The following PARP4 variants were observed in gnomAD, a reference collection of about 807,000 sequenced individuals.
PARP4 encodes the protein poly(ADP-ribose) polymerase family member 4, also known as protein mono-ADP-ribosyltransferase PARP4.
PARP4 carries 120 observed loss-of-function variants against 187.7 expected under a neutral mutation model. The observed-to-expected ratio is 0.64, with a 90% CI of 0.55 to 0.74. The LOEUF is 0.74. Ranked by LOEUF, PARP4 falls within the 30% of genes least tolerant of loss-of-function variation. The pLI is 0.00. For synonymous variants in PARP4, 654 were observed against 740.9 expected, an observed-to-expected ratio of 0.88 and a Z score of 1.90; for missense variants, 1,836 against 2,070.5, an observed-to-expected ratio of 0.89 and a Z score of 2.20.
chr13:24,469,005 C>A lies in PARP4; in HGVS notation c.2133+19G>T. ...CTTTCCCTCTCCTGTATGCATGCGG[C>A]ATGCACACCAAGCCATACCGGAGCA... is the stretch of plus-strand genomic sequence containing the variant. On this transcript the variant is annotated intron_variant, in intron 17 of 33. Coordinates refer to ENST00000381989, the MANE Select transcript of PARP4 (RefSeq NM_006437.4). 6.4e-7 allele frequency: 1 copy of A among 1,551,952 alleles called. No individual in the cohort carries two copies. Among genetic ancestry groups the A allele is most frequent in the Non-Finnish European group, 8.9e-7 (1 of 1,123,694 alleles).
chr13:24,485,402 G>T (rs1873499793), intron 11 of PARP4, among the ~76,000 whole-genome samples: 1 of 152,104 alleles, frequency 6.6e-6, no homozygotes, highest in African/African-American at 2.4e-5. Context: ...TATCATGATT[G>T]CACTAAATCT....
chr13:24,480,377 G>T (rs1873213831), intron 12 of PARP4, among the ~76,000 whole-genome samples: 1 of 152,064 alleles, frequency 6.6e-6, no homozygotes, highest in African/African-American at 2.4e-5. Context: ...CCCTACAGCG[G>T]CCTCTAAGTG....
chr13:24,450,488 C>A (rs1332091655), intron 24 of PARP4, among the ~76,000 whole-genome samples: 1 of 151,692 alleles, frequency 6.6e-6, no homozygotes, highest in Non-Finnish European at 1.5e-5. Context: ...TTGTCTTTAC[C>A]CTCCATATTA....
chr13:24,434,506 T>C lies in PARP4; in HGVS notation c.4635A>G (p.Lys1545=). 1 of 1,613,958 alleles carries C rather than the reference T, an allele frequency of 6.2e-7. No individual in the cohort carries two copies. Among genetic ancestry groups the C allele is most frequent in the Non-Finnish European group, 8.5e-7 (1 of 1,179,800 alleles). The change falls in exon 31 of 34, where the codon AAA becomes AAG. Residue 1545 remains lysine, a synonymous_variant. Coordinates refer to ENST00000381989, the MANE Select transcript of PARP4 (RefSeq NM_006437.4). The part of the protein sequence containing the change: ...SCFLQIKCDT[K]DDSILCFLEV... The stretch of plus-strand genomic sequence containing the variant: ...CCAGAAAGCACAGGATACTGTCATC[T>C]TTTGTATCACATTTTATTTGTAAAA...
At position 24,479,816 on chromosome 13, in the gene PARP4, C is replaced by T. The variant is rs184952300; in HGVS notation, c.1449-1540G>A. On this transcript the variant is annotated intron_variant, in intron 12 of 33. Coordinates refer to ENST00000381989, the MANE Select transcript of PARP4 (RefSeq NM_006437.4). ...CCGCACTGTGGAAGCTTTGTTCTTT[C>T]GCTCTTTGCAATAAATCTTGCTACT... 2.7e-3 allele frequency among the ~76,000 whole-genome samples: 410 copies of T among 152,328 alleles called. 1 individual carries two copies. The highest frequency in any genetic ancestry group is 3.4e-3 in the Non-Finnish European group (232 of 68,028).
At chr13:24,457,683 A>G (rs962655733) in intron 20 of PARP4, among the ~76,000 whole-genome samples, 13 of 149,966 alleles carry the variant, frequency 8.7e-5, no homozygotes, top group African/African-American at 3.2e-4. Context: ...AGGCATGAGA[A>G]TCGTTTGAAC....
rs1282328740 is a variant in PARP4 at position 24,434,621 on chromosome 13, C to A, written c.4520G>T (p.Ser1507Ile). ...DLCLLEESVG[S>I]LEGSRCPVFA... The stretch of plus-strand genomic sequence containing the variant: ...GACAGGACATCGACTTCCTTCGAGA[C>A]TGCCTACTGATTCTTCTAGAAGACA... The change falls in exon 31 of 34, where the codon AGT (serine) becomes ATT (isoleucine). Residue 1507 changes from serine to isoleucine, a missense_variant. By Grantham distance (142) the Ser-to-Ile change is moderately radical (BLOSUM62 -2). Coordinates refer to ENST00000381989, the MANE Select transcript of PARP4 (RefSeq NM_006437.4). 5 of 1,612,018 alleles carry A rather than the reference C, an allele frequency of 3.1e-6. No individual in the cohort carries two copies. Among genetic ancestry groups the A allele is most frequent in the African/African-American group, 1.3e-5 (1 of 74,898 alleles).
chr13:24,437,465 C>G (rs1364777212), intron 30 of PARP4, among the ~76,000 whole-genome samples: 3 of 151,944 alleles, frequency 2.0e-5, no homozygotes, highest in Admixed American at 2.0e-4. Flanking sequence ...ATTTTCACAA[C>G]TCATATCACA....
chr13:24,449,313 G>C (rs1374836933), intron 25 of PARP4, among the ~76,000 whole-genome samples: 1 of 148,946 alleles, frequency 6.7e-6, no homozygotes, highest in African/African-American at 2.5e-5. Context: ...GCGTGAACCC[G>C]GGAGGCAGAG....
At chr13:24,441,046 A>AT in intron 30 of PARP4, among the ~76,000 whole-genome samples, 1 of 151,932 alleles carries the variant, frequency 6.6e-6, no homozygotes, top group East Asian at 1.9e-4. Context: ...TAATTTTTGT[A>AT]TTTTTTTGTA....
At chr13:24,496,070 A>G (rs1453484092) in intron 6 of PARP4, among the ~76,000 whole-genome samples, 3 of 151,584 alleles carry the variant, frequency 2.0e-5, no homozygotes, top group Non-Finnish European at 4.4e-5. Flanking sequence ...TGAAGAAAAC[A>G]ACGACACATT....
At chr13:24,492,618 A>C in intron 8 of PARP4, 24 bp from the exon 9 acceptor site, 2 of 1,579,000 alleles carry the variant, frequency 1.3e-6, no homozygotes, top group Non-Finnish European at 1.7e-6. Flanking sequence ...ATATATGCTT[A>C]TTACAATGAA....
Position 24,469,989 on chromosome 13 carries a change from C to A in PARP4, c.1951G>T (p.Val651Leu). 2 of 1,613,552 alleles carry A rather than the reference C, an allele frequency of 1.2e-6. No individual in the cohort carries two copies. The highest frequency in any genetic ancestry group is 1.7e-6 in the Non-Finnish European group (2 of 1,179,646). The change falls in exon 16 of 34, where the codon GTG (valine) becomes TTG (leucine). Residue 651 changes from valine (V) to leucine (L), a missense_variant. Physicochemically the swap from Val to Leu is conservative, Grantham distance 32 (BLOSUM62 1). Around this residue, in one of 8 missense-constraint regions of PARP4, gnomAD observed 1,147 missense variants for 1,214.2 expected, o/e 0.94. Coordinates refer to ENST00000381989, the MANE Select transcript of PARP4 (RefSeq NM_006437.4). ...AAGATATATTTTGCCTCAATGGGCA[C>A]GTGACTTTTATTTGTGTATGTCTGA... ...VFQTYTNKSH[V>L]PIEAKYIFPL...
rs201635416 is a variant in PARP4 at position 24,492,484 on chromosome 13, G to C, written c.990C>G (p.His330Gln). 1.1e-5 allele frequency: 18 copies of C among 1,614,054 alleles called. No homozygotes were observed. The East Asian group carries it at 2.9e-4, about 26-fold the overall frequency. ...MMTEFYRLIP[H>Q]KGTMPKEVNL... ...TCACTTCTTTGGGCATTGTGCCTTT[G>C]TGAGGTATCAGTCTGTAAAACTCTG... Residue 330 changes from histidine to glutamine, a missense_variant, in exon 9 of 34, where the codon CAC becomes CAG. Coordinates refer to ENST00000381989, the MANE Select transcript of PARP4 (RefSeq NM_006437.4).
chr13:24,460,323 G>A (rs963605965), intron 17 of PARP4, among the ~76,000 whole-genome samples, 187 bp from the exon 18 acceptor site: 48 of 152,358 alleles, frequency 3.2e-4, no homozygotes, highest in African/African-American at 1.2e-3. Flanking sequence ...CACCAGTGGT[G>A]GGAACAGGGT....
intron 14 of PARP4, among the ~76,000 whole-genome samples, chr13:24,476,619 G>C (rs568237361): frequency 6.6e-6 from 1 of 152,312 alleles, no homozygotes; most frequent in African/African-American, 2.4e-5. Context: ...TGTCTTGCCA[G>C]ATATTTCACT....
chr13:24,503,707 T>C lies in PARP4; in HGVS notation c.70A>G (p.Lys24Glu), dbSNP rs1458121527. ...KVKYLPQQQK[K>E]KLQTDIKENG... ...TCCTTAATGTCAGTTTGTAGCTTTT[T>C]CTTCTGCTGCTGAGGTAAGTACTTC... The change falls in exon 2 of 34, where the codon AAA becomes GAA. Residue 24 changes from lysine to glutamate, a missense_variant. Transcript: ENST00000381989. The C allele has an allele frequency of 2.5e-6, 4 of 1,613,908 alleles. No individual in the cohort carries two copies. The African/African-American group carries it at 5.3e-5, about 22-fold the overall frequency.
chr13:24,494,797 T>C, intron 6 of PARP4, 75 bp from the exon 7 acceptor site: 1 of 904,816 alleles, frequency 1.1e-6, no homozygotes, highest in Non-Finnish European at 1.7e-6. Context: ...AATAAAGCAG[T>C]AGGTCCTTGA....
chr13:24,440,045 G>A (rs1870839427), intron 30 of PARP4, among the ~76,000 whole-genome samples: 1 of 152,182 alleles, frequency 6.6e-6, no homozygotes, highest in Non-Finnish European at 1.5e-5. Flanking sequence ...TTTGCTTAAA[G>A]TATTATTTTT....
Sources: allele counts gnomAD v4.1 joint callset (sites outside exome capture counted in the v4.1 genomes callset), GRCh38; gene constraint gnomAD v4.1.1; regional missense constraint gnomAD v4.1.1; transcripts MANE v1.5; gene names NCBI Gene and HGNC (gene_info 2026-07-23, HGNC 2026-07-21).